The following CNTLN variants were observed in gnomAD, a reference collection of about 807,000 sequenced individuals.
CNTLN encodes centlein.
In CNTLN, 212 loss-of-function variants were observed where a neutral mutation model predicts 180.0. The ratio of observed to expected loss-of-function variants is 1.18; its 90% CI spans 1.05 to 1.32. The LOEUF (loss-of-function observed/expected upper bound fraction) is 1.32. CNTLN is among the 40% of genes most tolerant of loss of function. The pLI is 0.00. For missense variants in CNTLN, 2,095 were observed against 1,610.9 expected (o/e 1.30, Z -5.14); for synonymous variants, 722 against 563.1 (o/e 1.28, Z -3.99).
chr9:17,442,201 A>C (rs988478803), intron 18 of CNTLN, among the ~76,000 whole-genome samples: 4 of 152,210 alleles, frequency 2.6e-5, no homozygotes, highest in African/African-American at 9.6e-5. Flanking sequence ...TACTCTACCC[A>C]ACAACAGCAG....
chr9:17,437,550 G>A (rs114371978), intron 18 of CNTLN, among the ~76,000 whole-genome samples: 5,823 of 152,180 alleles, frequency 0.038, 351 homozygotes, highest in African/African-American at 0.13. Flanking sequence ...AAAAATTGTA[G>A]CATATTTATC....
chr9:17,139,218 G>T (rs1479130939), intron 1 of CNTLN, among the ~76,000 whole-genome samples: 2 of 151,932 alleles, frequency 1.3e-5, no homozygotes, highest in African/African-American at 2.4e-5. Context: ...CTCCTGAGTA[G>T]CTGGGATTAC....
At chr9:17,271,838 T>A (rs933480489) in intron 5 of CNTLN, among the ~76,000 whole-genome samples, 1 of 152,208 alleles carries the variant, frequency 6.6e-6, no homozygotes, top group African/African-American at 2.4e-5. Context: ...TTATTTTCAA[T>A]AATTTTTGAT....
At chr9:17,508,041 AC>A (rs1157108656), downstream of CNTLN, among the ~76,000 whole-genome samples, 2 of 152,230 alleles carry the variant, frequency 1.3e-5, no homozygotes, top group East Asian at 3.9e-4. Context: ...CCTCAGAGTC[AC>A]CCAGAGAGAA....
At chr9:17,217,209 TTA>T (rs1823818960) in intron 2 of CNTLN, among the ~76,000 whole-genome samples, 1 of 152,248 alleles carries the variant, frequency 6.6e-6, no homozygotes, top group Non-Finnish European at 1.5e-5. Flanking sequence ...AATTTAATCT[TTA>T]TACACATGGC....
intron 5 of CNTLN, among the ~76,000 whole-genome samples, chr9:17,247,773 CT>C (rs1433236762): frequency 1.1e-4 from 13 of 114,588 alleles, no homozygotes; most frequent in African/African-American, 5.0e-4. Flanking sequence ...TTGCCAAATA[CT>C]TTTACTTTTT....
At chr9:17,145,106 G>T (rs1160137810) in intron 2 of CNTLN, among the ~76,000 whole-genome samples, 2 of 150,032 alleles carry the variant, frequency 1.3e-5, no homozygotes, top group African/African-American at 4.9e-5. Flanking sequence ...CTCCCAAAGT[G>T]CTGGGATTAC....
At chr9:17,231,401 T>C (rs921876887) in intron 3 of CNTLN, among the ~76,000 whole-genome samples, 6 of 152,092 alleles carry the variant, frequency 3.9e-5, no homozygotes. Flanking sequence ...AATCTAATAA[T>C]TATTAGTATA....
chr9:17,213,045 C>T (rs1823450231), intron 2 of CNTLN, among the ~76,000 whole-genome samples: 1 of 152,100 alleles, frequency 6.6e-6, no homozygotes, highest in African/African-American at 2.4e-5. Context: ...TTTTTTGTGT[C>T]TCTATCTCCT....
At chr9:17,172,341 C>G (rs1820472980) in intron 2 of CNTLN, among the ~76,000 whole-genome samples, 1 of 152,168 alleles carries the variant, frequency 6.6e-6, no homozygotes, top group Non-Finnish European at 1.5e-5. Flanking sequence ...TGCTGTGTAG[C>G]TGATACTGAT....
chr9:17,383,884 T>C (rs184951143), intron 13 of CNTLN, among the ~76,000 whole-genome samples: 5,143 of 152,160 alleles, frequency 0.034, 276 homozygotes, highest in African/African-American at 0.12. Context: ...GTGATCTGCC[T>C]GTCTCGGCCT....
chr9:17,415,878 A>G lies in CNTLN; in HGVS notation c.2887A>G (p.Arg963Gly), dbSNP rs199814593. 42 of 1,605,756 alleles carry G rather than the reference A, an allele frequency of 2.6e-5. No individual in the cohort carries two copies. The East Asian group carries it at 8.1e-4, about 31-fold the overall frequency. ...GAGTTCACATACAGCAGTTCCTACT[A>G]GAGGTAAGAATGTATATGCAATTAA... is the stretch of plus-strand genomic sequence containing the variant. ...QKSSHTAVPT[R>G]VNREKYKNIT... is the part of the protein sequence containing the mutation. Residue 963 changes from arginine (R) to glycine (G), a missense_variant, in exon 17 of 26, where the codon AGA (arginine) becomes GGA (glycine). By Grantham distance (125) the Arg-to-Gly change is moderately radical. Transcript: ENST00000380647.
chr9:17,202,313 G>A (rs1281060370), intron 2 of CNTLN, among the ~76,000 whole-genome samples: 1 of 152,186 alleles, frequency 6.6e-6, no homozygotes, highest in Non-Finnish European at 1.5e-5. Context: ...ATATTCTGTT[G>A]ATTTGGGGTG....
chr9:17,264,562 T>A (rs1294495541), intron 5 of CNTLN, among the ~76,000 whole-genome samples: 1 of 151,752 alleles, frequency 6.6e-6, no homozygotes, highest in Non-Finnish European at 1.5e-5. Context: ...TTAAAGTAGT[T>A]TTTTCCAATT....
intron 2 of CNTLN, among the ~76,000 whole-genome samples, chr9:17,210,947 G>A (rs1376324510): frequency 6.6e-6 from 1 of 152,070 alleles, no homozygotes; most frequent in Non-Finnish European, 1.5e-5. Context: ...TGTAGATTCT[G>A]GATATTACCC....
chr9:17,178,554 A>G (rs1302852079), intron 2 of CNTLN, among the ~76,000 whole-genome samples: 2 of 152,028 alleles, frequency 1.3e-5, no homozygotes, highest in Admixed American at 6.5e-5. Flanking sequence ...GGCGAATTGC[A>G]GGTCTGGAGC....
the CNTLN span, among the ~76,000 whole-genome samples, chr9:17,511,353 C>G: frequency 4.6e-5 from 7 of 152,176 alleles, no homozygotes; most frequent in Admixed American, 6.5e-5. Context: ...ATAAATTTCT[C>G]TAAAACCTAG....
At chr9:17,393,538 A>G (rs1047569869) in intron 14 of CNTLN, among the ~76,000 whole-genome samples, 3 of 152,188 alleles carry the variant, frequency 2.0e-5, no homozygotes, top group Non-Finnish European at 2.9e-5. Context: ...TTTGGATCCC[A>G]GTTGAATCCC....
chr9:17,229,005 G>A (rs1351146220), intron 3 of CNTLN, among the ~76,000 whole-genome samples: 2 of 152,194 alleles, frequency 1.3e-5, no homozygotes, highest in African/African-American at 4.8e-5. Context: ...ATCTGATGAA[G>A]GAGTTTTGAC....
Sources: allele counts gnomAD v4.1 joint callset (sites outside exome capture counted in the v4.1 genomes callset), GRCh38; gene constraint gnomAD v4.1.1; transcripts MANE v1.5; gene names NCBI Gene and HGNC (gene_info 2026-07-23, HGNC 2026-07-21).